Variants in HELLS observed in about 807,000 individuals in gnomAD.
HELLS encodes the protein lymphoid-specific helicase.
In HELLS, 32 loss-of-function variants were observed where a neutral mutation model predicts 120.0. The observed-to-expected ratio is 0.27, with a 90% CI of 0.20 to 0.36. The LOEUF is 0.36. Ranked by LOEUF, HELLS falls within the 10% of genes least tolerant of loss-of-function variation. HELLS has a pLI of 1.00. For missense variants in HELLS, 650 were observed against 993.4 expected, an observed-to-expected ratio of 0.65 and a Z score of 4.65; for synonymous variants, 341 against 323.4, an observed-to-expected ratio of 1.05 and a Z score of -0.58.
chr10:94,613,522 A>G (rs1392288146), exon 10 of HELLS: 1 of 152,206 alleles, frequency 6.6e-6, no homozygotes, highest in Admixed American at 6.5e-5. Flanking sequence ...AGATATTTAA[A>G]GATATAATTT....
intron 21 of HELLS, among the ~76,000 whole-genome samples, chr10:94,597,667 G>A (rs1302789910): frequency 1.3e-5 from 2 of 152,140 alleles, no homozygotes; most frequent in African/African-American, 4.8e-5. Flanking sequence ...CTAGTAGCTA[G>A]TATTACAGTC....
chr10:94,547,829 T>G (rs907868182), intron 2 of HELLS, among the ~76,000 whole-genome samples: 1 of 152,184 alleles, frequency 6.6e-6, no homozygotes, highest in African/African-American at 2.4e-5. Context: ...GAATGCACAT[T>G]TTTTAACTAC....
downstream of HELLS, among the ~76,000 whole-genome samples, chr10:94,604,956 T>G (rs1423270494): frequency 6.6e-6 from 1 of 152,006 alleles, no homozygotes; most frequent in Non-Finnish European, 1.5e-5. Flanking sequence ...CCCTGGAACA[T>G]TCTTCTAGTT....
chr10:94,593,651 T>C (rs775681772), intron 18 of HELLS, 36 bp downstream of exon 18: 1 of 1,282,834 alleles, frequency 7.8e-7, no homozygotes, highest in South Asian at 1.2e-5. Flanking sequence ...ATGCTGATTA[T>C]ATTTCCATTT....
chr10:94,600,462 T>C (rs1845980755), intron 21 of HELLS, among the ~76,000 whole-genome samples: 1 of 152,140 alleles, frequency 6.6e-6, no homozygotes, highest in Admixed American at 6.5e-5. Context: ...ATCAAGATGG[T>C]AGAATTAGCA....
chr10:94,577,099 AC>A, intron 10 of HELLS: 1 of 502,078 alleles, frequency 2.0e-6, no homozygotes, highest in Non-Finnish European at 3.7e-6. Flanking sequence ...TGTGACAGGT[AC>A]TTTGAATATA....
At chr10:94,571,311 G>A in intron 6 of HELLS, 77 bp from the exon 7 acceptor site, 1 of 1,194,896 alleles carries the variant, frequency 8.4e-7, no homozygotes, top group Admixed American at 2.2e-5. Context: ...AATGAGCACA[G>A]AATAAATGCT....
intron 4 of HELLS, among the ~76,000 whole-genome samples, chr10:94,561,869 T>TA (rs1843570822): frequency 7.0e-6 from 1 of 142,020 alleles, no homozygotes; most frequent in African/African-American, 3.0e-5. Context: ...AATGTATGAA[T>TA]TTCATTCACA....
intron 10 of HELLS, among the ~76,000 whole-genome samples, chr10:94,580,118 TATATATATA>T: frequency 2.7e-4 from 1 of 3,666 alleles, no homozygotes; most frequent in Non-Finnish European, 7.7e-4. Flanking sequence ...ATTATAAAAG[TATATATATA>T]TATATATATA....
rs141169560 is a variant in HELLS, at chr10:94,554,129, C to T, written c.157C>T (p.Arg53Cys). 176 of 1,571,974 alleles carry T rather than the reference C, an allele frequency of 1.1e-4. 1 individual carries two copies. Among genetic ancestry groups the T allele is most frequent in the African/African-American group, 4.2e-5 (3 of 72,184 alleles). The change falls in exon 3 of 22, where the codon CGC (arginine) becomes TGC (cysteine). Residue 53 changes from arginine (R) to cysteine (C), a missense_variant. This residue lies in a region of HELLS where 90 missense variants were observed against 93.6 expected (regional missense o/e 0.96). Coordinates refer to ENST00000348459, the MANE Select transcript of HELLS (RefSeq NM_018063.5). ...ERERKMLEKA[R>C]MSWDRESTEI... is the part of the protein sequence containing the mutation. ...TGGAAATTTTCTCTTTGGATAGGCT[C>T]GCATGTCTTGGGATAGAGAGTCGAC...
downstream of HELLS, among the ~76,000 whole-genome samples, chr10:94,602,650 A>G (rs527806278): frequency 3.3e-5 from 5 of 152,290 alleles, no homozygotes; most frequent in South Asian, 1.0e-3. Context: ...CACTTAAGAA[A>G]AACTTAATTT....
rs67491329 is a variant in HELLS, at chr10:94,589,680, C to CTTTT, written c.1489-712_1489-709dup. On this transcript the variant is annotated intron_variant, in intron 13 of 21. Transcript: ENST00000348459. ...GACCACCAGACTCTTCTCCCCCCGA[C>CTTTT]TTTTTTTTTTTTTTTTTTTTTTTTG... Among the ~76,000 whole-genome samples, 74 of 91,990 alleles carry CTTTT rather than the reference C, an allele frequency of 8.0e-4. 1 individual carries two copies. Among genetic ancestry groups the CTTTT allele is most frequent in the African/African-American group, 2.1e-3 (46 of 22,286 alleles). 60.3% of individuals were successfully genotyped at this position (91,990 alleles called of 152,430 possible). A position where few individuals can be genotyped will look rare whatever the true frequency, so the allele number is the denominator to read the frequency against.
chr10:94,585,391 T>G (rs1220620904), intron 12 of HELLS, among the ~76,000 whole-genome samples: 46 of 149,452 alleles, frequency 3.1e-4, no homozygotes, highest in East Asian at 2.1e-3. Context: ...TTTTGTTTTT[T>G]TTTTTGTTTT....
intron 10 of HELLS, among the ~76,000 whole-genome samples, chr10:94,580,156 T>TAAA (rs1400689189): frequency 6.1e-5 from 3 of 49,204 alleles, no homozygotes; most frequent in African/African-American, 2.4e-4. Context: ...TATATATATA[T>TAAA]ATATATACAC....
intron 19 of HELLS, among the ~76,000 whole-genome samples, chr10:94,595,966 ATTGGAACT>A (rs1845719555): frequency 6.6e-6 from 1 of 152,164 alleles, no homozygotes; most frequent in South Asian, 2.1e-4. Context: ...TTAGATTGTA[ATTGGAACT>A]TGCATTGGGG....
chr10:94,550,939 T>C (rs1589697652), intron 2 of HELLS: 1 of 152,174 alleles, frequency 6.6e-6, no homozygotes, highest in Non-Finnish European at 1.5e-5. Flanking sequence ...AGGTATCAAC[T>C]ATATCTAAGT....
chr10:94,560,708 A>ATAAAT (rs1843508918), intron 4 of HELLS, among the ~76,000 whole-genome samples: 1 of 151,814 alleles, frequency 6.6e-6, no homozygotes, highest in Non-Finnish European at 1.5e-5. Context: ...AAATAAATAA[A>ATAAAT]TAAATAAATA....
chr10:94,585,400 T>C (rs1845085773), intron 12 of HELLS, among the ~76,000 whole-genome samples: 1 of 148,738 alleles, frequency 6.7e-6, no homozygotes, highest in Non-Finnish European at 1.5e-5. Context: ...TTTTTTTGTT[T>C]TTTTGGTTTT....
chr10:94,569,823 T>C (rs1844045560), intron 6 of HELLS: 1 of 152,184 alleles, frequency 6.6e-6, no homozygotes, highest in Non-Finnish European at 1.5e-5. Context: ...GTTTGATTAA[T>C]GCGTATCTTG....
Sources: allele counts gnomAD v4.1 joint callset (sites outside exome capture counted in the v4.1 genomes callset), GRCh38; gene constraint gnomAD v4.1.1; regional missense constraint gnomAD v4.1.1; transcripts MANE v1.5; gene names NCBI Gene and HGNC (gene_info 2026-07-23, HGNC 2026-07-21).